Variants in CDH18 observed in about 807,000 individuals in gnomAD.
The protein encoded by CDH18 is cadherin-18.
CDH18 carries 31 observed loss-of-function variants against 67.9 expected under a neutral mutation model. The ratio of observed to expected loss-of-function variants is 0.46; its 90% CI spans 0.34 to 0.62. The LOEUF is 0.62. Among genes scored for constraint, CDH18 ranks in the 20% least tolerant of loss-of-function variants. The pLI is 0.01. For missense variants in CDH18, 890 were observed against 975.5 expected, an observed-to-expected ratio of 0.91 and a Z score of 1.17; for synonymous variants, 362 against 347.2, an observed-to-expected ratio of 1.04 and a Z score of -0.48.
intron 5 of CDH18, among the ~76,000 whole-genome samples, chr5:19,673,415 T>G (rs1759029301): frequency 6.6e-6 from 1 of 152,070 alleles, no homozygotes; most frequent in Non-Finnish European, 1.5e-5. Flanking sequence ...AGTTCTAGAC[T>G]ATATCCAGAC....
chr5:19,481,559 T>C (rs376794161), intron 12 of CDH18, among the ~76,000 whole-genome samples: 5 of 152,258 alleles, frequency 3.3e-5, no homozygotes, highest in Admixed American at 6.5e-5. Context: ...CTTTTGCAAA[T>C]TGAAGATTTT....
At chr5:19,987,608 AT>A (rs1561687067) in intron 1 of CDH18, among the ~76,000 whole-genome samples, 1 of 152,072 alleles carries the variant, frequency 6.6e-6, no homozygotes, top group Admixed American at 6.5e-5. Context: ...AAATCACGTA[AT>A]TTTAGAGGAT....
chr5:20,235,801 T>C (rs1167344317), intron 2 of CDH18, among the ~76,000 whole-genome samples: 3 of 152,166 alleles, frequency 2.0e-5, no homozygotes, highest in African/African-American at 7.2e-5. Context: ...ATTAAATTGT[T>C]CTACCAAAAT....
chr5:19,945,798 T>A (rs1171307454), intron 2 of CDH18, among the ~76,000 whole-genome samples: 2 of 151,990 alleles, frequency 1.3e-5, no homozygotes, highest in East Asian at 1.9e-4. Context: ...TTAGAACCAG[T>A]CAAAAAAATT....
intron 1 of CDH18, among the ~76,000 whole-genome samples, chr5:20,480,027 A>C (rs1004145860): frequency 1.3e-5 from 2 of 152,208 alleles, no homozygotes; most frequent in African/African-American, 4.8e-5. Context: ...AGAATAATAT[A>C]TTCAGCAAAA....
At chr5:19,538,136 T>C (rs1231680757) in intron 9 of CDH18, among the ~76,000 whole-genome samples, 1 of 152,148 alleles carries the variant, frequency 6.6e-6, no homozygotes, top group Non-Finnish European at 1.5e-5. Flanking sequence ...GAAAATTGCG[T>C]GATAGCATGT....
At chr5:19,509,505 T>C (rs1218664221) in intron 10 of CDH18, among the ~76,000 whole-genome samples, 1 of 152,186 alleles carries the variant, frequency 6.6e-6, no homozygotes, top group Non-Finnish European at 1.5e-5. Context: ...ATATAATCGT[T>C]AATAGTATCT....
intron 1 of CDH18, among the ~76,000 whole-genome samples, chr5:20,257,230 TG>T: frequency 6.6e-6 from 1 of 152,198 alleles, no homozygotes; most frequent in African/African-American, 2.4e-5. Flanking sequence ...TAGGAACTGG[TG>T]TTAATCATAA....
At chr5:20,277,994 A>G (rs951646946) in intron 1 of CDH18, among the ~76,000 whole-genome samples, 1 of 152,190 alleles carries the variant, frequency 6.6e-6, no homozygotes, top group Non-Finnish European at 1.5e-5. Flanking sequence ...AAAGAATAAC[A>G]ATAATGAAGC....
chr5:19,526,390 CAGTGCAAGTGGAAGCTGTATGCTACA>C (rs1747757773), intron 9 of CDH18, among the ~76,000 whole-genome samples: 1 of 152,078 alleles, frequency 6.6e-6, no homozygotes, highest in South Asian at 2.1e-4. Context: ...AGTGCTATTG[CAGTGCAAGTGGAAGCTGTATGCTACA>C]ATATGTAGAA....
intron 1 of CDH18, among the ~76,000 whole-genome samples, chr5:20,329,908 C>G (rs1019917308): frequency 2.0e-5 from 3 of 150,278 alleles, no homozygotes; most frequent in African/African-American, 7.3e-5. Context: ...GAAACCTAAT[C>G]TAGAGTGGAT....
At chr5:20,034,677 C>G (rs1054964754) in intron 2 of CDH18, among the ~76,000 whole-genome samples, 3 of 152,024 alleles carry the variant, frequency 2.0e-5, no homozygotes, top group Admixed American at 6.6e-5. Flanking sequence ...AAACTATTTG[C>G]TCTTCTGGTT....
chr5:20,059,573 G>A (rs1318417150), intron 2 of CDH18, among the ~76,000 whole-genome samples: 2 of 152,106 alleles, frequency 1.3e-5, no homozygotes, highest in African/African-American at 4.8e-5. Flanking sequence ...CAAGGATCTA[G>A]AACCAGAAAT....
At chr5:20,405,060 T>G (rs1746110598) in intron 1 of CDH18, among the ~76,000 whole-genome samples, 1 of 152,172 alleles carries the variant, frequency 6.6e-6, no homozygotes, top group Non-Finnish European at 1.5e-5. Flanking sequence ...ACCAATGACT[T>G]TCTTCACAGA....
chr5:19,831,509 CA>C (rs1170746429), intron 3 of CDH18, among the ~76,000 whole-genome samples: 1 of 152,018 alleles, frequency 6.6e-6, no homozygotes, highest in Non-Finnish European at 1.5e-5. Flanking sequence ...AAATATTTAT[CA>C]CCACTAATTA....
intron 1 of CDH18, among the ~76,000 whole-genome samples, chr5:20,277,004 TAGAGCACC>T (rs1005880022): frequency 6.6e-6 from 1 of 152,186 alleles, no homozygotes; most frequent in East Asian, 1.9e-4. Flanking sequence ...TGCAGTAGAA[TAGAGCACC>T]AGGTACATTC....
intron 2 of CDH18, among the ~76,000 whole-genome samples, chr5:20,031,809 C>T (rs979363202): frequency 3.9e-5 from 6 of 151,986 alleles, no homozygotes; most frequent in African/African-American, 1.2e-4. Context: ...GCAATTGACA[C>T]TTAAAGATGA....
chr5:20,232,323 T>G (rs969635111), intron 2 of CDH18, among the ~76,000 whole-genome samples: 1 of 152,140 alleles, frequency 6.6e-6, no homozygotes, highest in Non-Finnish European at 1.5e-5. Context: ...CCTCAGGCAA[T>G]GGGTTCTTGA....
chr5:19,654,473 T>C (rs1756043850), intron 5 of CDH18, among the ~76,000 whole-genome samples: 2 of 152,116 alleles, frequency 1.3e-5, no homozygotes, highest in South Asian at 4.2e-4. Context: ...GGCTCATCTG[T>C]TTAGCCGCTG....
Sources: allele counts gnomAD v4.1 joint callset (sites outside exome capture counted in the v4.1 genomes callset), GRCh38; gene constraint gnomAD v4.1.1; transcripts MANE v1.5; gene names NCBI Gene and HGNC (gene_info 2026-07-23, HGNC 2026-07-21).